The following DMD variants were observed in gnomAD, a reference collection of about 807,000 sequenced individuals.
The protein encoded by DMD is dystrophin, also known as mutant dystrophin.
In DMD, 63 loss-of-function variants were observed where a neutral mutation model predicts 330.1. The observed-to-expected ratio is 0.19, with a 90% CI of 0.16 to 0.24. The LOEUF (loss-of-function observed/expected upper bound fraction) is 0.24, where lower values mean the gene tolerates loss of function less well. Among genes scored for constraint, DMD ranks in the 10% least tolerant of loss-of-function variants. DMD has a pLI of 1.00. For synonymous variants in DMD, 1,223 were observed against 959.8 expected (o/e 1.27, Z -5.07); for missense variants, 3,344 against 2,684.1 (o/e 1.25, Z -5.43).
chrX:33,255,770 T>C (rs1306749715), intron 1 of DMD, among the ~76,000 whole-genome samples: 1 of 111,557 alleles, frequency 9.0e-6, no homozygotes, highest in Non-Finnish European at 1.9e-5. Context: ...TTTATTTTCT[T>C]CTTTGATCTT....
intron 2 of DMD, among the ~76,000 whole-genome samples, chrX:32,881,427 T>C (rs754170779): frequency 8.9e-5 from 10 of 112,547 alleles, no homozygotes; most frequent in Non-Finnish European, 1.7e-4. Flanking sequence ...TGATGTTCAA[T>C]ATTTCTACTA....
intron 44 of DMD, among the ~76,000 whole-genome samples, chrX:32,144,679 T>G (rs1266330641): frequency 8.9e-6 from 1 of 112,064 alleles, no homozygotes; most frequent in Non-Finnish European, 1.9e-5. Flanking sequence ...AAAAGCATAT[T>G]TAGTCTTCAT....
intron 51 of DMD, among the ~76,000 whole-genome samples, chrX:31,733,990 T>A (rs1322959221): frequency 9.0e-6 from 1 of 111,615 alleles, no homozygotes; most frequent in Non-Finnish European, 1.9e-5. Context: ...ATCTTCCAAC[T>A]GCAGTTAGCC....
rs769810950 is a variant in DMD, at chrX:32,815,346, C to A, written c.530+1122G>T. Reference sequence around the variant, plus strand: ...TCAAAGTGAGAAAACATAACTTGCACTGAAAATTAGGCAAGATGCAGTCCA... The same window carrying A: ...TCAAAGTGAGAAAACATAACTTGCAATGAAAATTAGGCAAGATGCAGTCCA... On this transcript the variant is annotated intron_variant, in intron 6 of 78. Transcript: ENST00000357033. Among the ~76,000 whole-genome samples, 118 of 106,293 alleles carry A rather than the reference C, an allele frequency of 1.1e-3. 1 individual carries two copies. Among genetic ancestry groups the A allele is most frequent in the Non-Finnish European group, 1.8e-3 (95 of 51,856 alleles). 92.3% of individuals were successfully genotyped at this position (106,293 alleles called of 115,157 possible).
At chrX:31,787,254 C>A (rs1347006032) in intron 50 of DMD, among the ~76,000 whole-genome samples, 1 of 110,820 alleles carries the variant, frequency 9.0e-6, no homozygotes, top group Non-Finnish European at 1.9e-5. Context: ...GGCTGTAATC[C>A]CAGCTACTTG....
chrX:33,195,009 C>T (rs2050847600), intron 1 of DMD, among the ~76,000 whole-genome samples: 1 of 111,314 alleles, frequency 9.0e-6, no homozygotes, highest in African/African-American at 3.3e-5. Context: ...GTATTTGAGT[C>T]ATGCAATAAA....
chrX:32,158,567 T>C (rs1208728901), intron 44 of DMD, among the ~76,000 whole-genome samples: 3 of 111,534 alleles, frequency 2.7e-5, no homozygotes, highest in African/African-American at 6.5e-5. Flanking sequence ...TGGAAAACAC[T>C]GTTATTCTTC....
chrX:32,795,909 C>T (rs2148659201), intron 7 of DMD, among the ~76,000 whole-genome samples: 1 of 111,621 alleles, frequency 9.0e-6, no homozygotes, highest in African/African-American at 3.2e-5. Context: ...GAGCCATCAT[C>T]TTGCCCCAGT....
In DMD at chrX:32,412,347, T is replaced by C. The variant is rs868514975; in HGVS notation, c.4072-434A>G. On this transcript the variant is annotated intron_variant, in intron 29 of 78. Coordinates refer to ENST00000357033, the MANE Select transcript of DMD (RefSeq NM_004006.3). ...AATCTGCTTCCACCAGTGAGATACA[T>C]GTACAATCTGTTCAGAATCAGCTCC... is the stretch of plus-strand genomic sequence containing the variant. 136 of 495,244 alleles carry C rather than the reference T, an allele frequency of 2.7e-4. 2 individuals are homozygous for C. In the Middle Eastern group the frequency reaches 3.4e-3, roughly 13 times the overall value. 40.8% of individuals were successfully genotyped at this position (495,244 alleles called of 1,213,427 possible). A position where few individuals can be genotyped will look rare whatever the true frequency, so the allele number is the denominator to read the frequency against.
At chrX:31,145,074 C>T (rs2033141793) in intron 76 of DMD, among the ~76,000 whole-genome samples, 2 of 112,113 alleles carry the variant, frequency 1.8e-5, no homozygotes, top group Admixed American at 1.9e-4. Flanking sequence ...CAACTTTTGC[C>T]TAAGGCTTCC....
In DMD at chrX:31,228,380, G is replaced by A. The variant is rs374377643; in HGVS notation, c.9287-5259C>T. 8.1e-5 allele frequency among the ~76,000 whole-genome samples: 9 copies of A among 110,637 alleles called. No individual in the cohort carries two copies. The East Asian group carries it at 2.3e-3, about 28-fold the overall frequency. ...CTGGTAACTGTCAGTGAACTGCAAC[G>A]GAGTTCTGGTGCCCTACAAGTCTAC... On this transcript the variant is annotated intron_variant, in intron 63 of 78. Coordinates refer to ENST00000357033, the MANE Select transcript of DMD (RefSeq NM_004006.3).
intron 54 of DMD, among the ~76,000 whole-genome samples, chrX:31,648,824 C>T (rs2080269375): frequency 9.3e-6 from 1 of 107,730 alleles, no homozygotes; most frequent in Non-Finnish European, 1.9e-5. Flanking sequence ...GAAACAGATC[C>T]CTGTTACATA....
intron 1 of DMD, among the ~76,000 whole-genome samples, chrX:33,136,429 G>C (rs2095528435): frequency 9.6e-6 from 1 of 104,350 alleles, no homozygotes; most frequent in Non-Finnish European, 1.9e-5. Flanking sequence ...ATCACGAGTA[G>C]CAAGCTGCCT....
chrX:33,108,105 G>A (rs1174114500), intron 1 of DMD, among the ~76,000 whole-genome samples: 1 of 110,632 alleles, frequency 9.0e-6, no homozygotes, highest in East Asian at 2.9e-4. Context: ...TAATTAGAAT[G>A]ACTACCATTT....
At chrX:33,103,492 G>A (rs2095258337) in intron 1 of DMD, among the ~76,000 whole-genome samples, 1 of 110,422 alleles carries the variant, frequency 9.1e-6, no homozygotes, top group South Asian at 3.9e-4. Context: ...GCTCATCCTG[G>A]CTCAAAAAGC....
chrX:32,465,582 G>GTTTTTTGTTTTT (rs2098399319), intron 23 of DMD, among the ~76,000 whole-genome samples: 1 of 76,664 alleles, frequency 1.3e-5, no homozygotes, highest in Non-Finnish European at 2.4e-5. Context: ...TTTGTTTTTT[G>GTTTTTTGTTTTT]TTTTTTTTTT....
chrX:32,531,287 G>A (rs1408157864), intron 17 of DMD, among the ~76,000 whole-genome samples: 1 of 111,507 alleles, frequency 9.0e-6, no homozygotes, highest in East Asian at 2.8e-4. Context: ...AGTTTGGAGA[G>A]TCATGCTTAG....
chrX:32,972,497 A>G (rs2092417967), intron 2 of DMD, among the ~76,000 whole-genome samples: 1 of 111,993 alleles, frequency 8.9e-6, no homozygotes, highest in African/African-American at 3.2e-5. Context: ...ATTGTTATTG[A>G]TGTCACTAAA....
intron 1 of DMD, among the ~76,000 whole-genome samples, chrX:33,062,922 A>T (rs768825113): frequency 1.2e-3 from 139 of 112,427 alleles, no homozygotes; most frequent in African/African-American, 4.3e-3. Context: ...AGCAGATTGG[A>T]AATTATGGCA....
Sources: gnomAD v4.1 joint callset for allele counts (sites outside exome capture counted in the v4.1 genomes callset) on GRCh38, gnomAD v4.1.1 for gene constraint, MANE v1.5 for transcripts, NCBI Gene and HGNC (gene_info 2026-07-23, HGNC 2026-07-21) for gene names.